The following RAI1 variants were observed in gnomAD, a reference collection of about 807,000 sequenced individuals.
RAI1 encodes the protein retinoic acid induced 1.
In RAI1, 9 loss-of-function variants were observed where a neutral mutation model predicts 123.8. The ratio of observed to expected loss-of-function variants is 0.07; its 90% CI spans 0.04 to 0.13. The LOEUF (loss-of-function observed/expected upper bound fraction) is 0.13. Among genes scored for constraint, RAI1 ranks in the 10% least tolerant of loss-of-function variants. RAI1 has a pLI of 1.00. For synonymous variants in RAI1, 1,231 were observed against 1,127.3 expected, an observed-to-expected ratio of 1.09 and a Z score of -1.84; for missense variants, 2,256 against 2,545.8, an observed-to-expected ratio of 0.89 and a Z score of 2.45.
At chr17:17,688,974 G>C (rs1179908571) in intron 1 of RAI1, among the ~76,000 whole-genome samples, 1 of 139,856 alleles carries the variant, frequency 7.2e-6, no homozygotes, top group Non-Finnish European at 1.6e-5. Context: ...TTTTTTTTTT[G>C]AGCCGGAGTG....
chr17:17,696,389 G>A (rs1388048593), intron 1 of RAI1, among the ~76,000 whole-genome samples: 1 of 152,106 alleles, frequency 6.6e-6, no homozygotes, highest in Admixed American at 6.6e-5. Flanking sequence ...AGCCACAGTT[G>A]TCTTCCCTCA....
intron 2 of RAI1, among the ~76,000 whole-genome samples, chr17:17,743,512 C>T (rs1291506817): frequency 6.6e-6 from 1 of 152,248 alleles, no homozygotes; most frequent in African/African-American, 2.4e-5. Flanking sequence ...GTCGCTGCCC[C>T]TGCCCGCAGC....
At chr17:17,699,832 C>G (rs1915159378) in intron 1 of RAI1, among the ~76,000 whole-genome samples, 1 of 152,246 alleles carries the variant, frequency 6.6e-6, no homozygotes, top group African/African-American at 2.4e-5. Context: ...CCACCCCACC[C>G]TGTGCCTCTC....
At chr17:17,699,258 C>G (rs1915136568) in intron 1 of RAI1, among the ~76,000 whole-genome samples, 1 of 152,170 alleles carries the variant, frequency 6.6e-6, no homozygotes, top group African/African-American at 2.4e-5. Context: ...AGACATCTGT[C>G]GGCAACATCC....
At position 17,794,199 on chromosome 17, in the gene RAI1, T is replaced by G. The variant is rs1196958524; in HGVS notation, c.1251T>G (p.Leu417=). Residue 417 remains leucine (L), a synonymous_variant, in exon 3 of 6, where the codon CTT becomes CTG. Transcript: ENST00000353383. ...CCCAGGCTGGCAACTGCAAGCCCCT[T>G]CAGAAGGACAAGCTCCCTGAGAACC... The part of the protein sequence containing the change: ...VDTQAGNCKP[L]QKDKLPENLL... 1 of 1,613,582 alleles carries G rather than the reference T, an allele frequency of 6.2e-7. No individual in the cohort carries two copies. The highest frequency in any genetic ancestry group is 8.5e-7 in the Non-Finnish European group (1 of 1,180,006).
intron 1 of RAI1, among the ~76,000 whole-genome samples, chr17:17,698,999 G>T (rs1287950740): frequency 6.6e-6 from 1 of 152,256 alleles, no homozygotes; most frequent in Non-Finnish European, 1.5e-5. Context: ...GCCAGGCAGA[G>T]CTTCTCTGAT....
At chr17:17,682,105 C>T (rs561782943) in intron 1 of RAI1, among the ~76,000 whole-genome samples, 84 of 142,618 alleles carry the variant, frequency 5.9e-4, no homozygotes, top group African/African-American at 2.1e-3. Flanking sequence ...GCGAGTGTGG[C>T]AAGGGATCTG....
intron 1 of RAI1, among the ~76,000 whole-genome samples, chr17:17,701,563 C>T (rs771893016): frequency 2.6e-5 from 4 of 152,194 alleles, no homozygotes; most frequent in Non-Finnish European, 4.4e-5. Flanking sequence ...TTTCCCTCCC[C>T]TCTCTCTTCC....
At position 17,794,461 on chromosome 17, in the gene RAI1, C is replaced by A; in HGVS notation, c.1513C>A (p.Pro505Thr). The A allele has an allele frequency of 6.2e-7, 1 of 1,612,516 alleles. No homozygotes were observed. The highest frequency in any genetic ancestry group is 8.5e-7 in the Non-Finnish European group (1 of 1,179,800). The change falls in exon 3 of 6, where the codon CCA (proline) becomes ACA (threonine). Residue 505 changes from proline to threonine, a missense_variant. Physicochemically the swap from Pro to Thr is conservative, Grantham distance 38. Around this residue, in one of 7 missense-constraint regions of RAI1, gnomAD observed 357 missense variants for 480.2 expected, o/e 0.74. Transcript: ENST00000353383. ...GCTGTCAGAGCCGCCGAGCAGCACG[C>A]CACAGTCCACGCATGCGGAGCCGCA... Reference protein sequence around the residue: ...TPLSEPPSSTPQSTHAEPQEA... With the variant: ...TPLSEPPSSTTQSTHAEPQEA...
At chr17:17,749,073 G>A (rs1267663918) in intron 2 of RAI1, among the ~76,000 whole-genome samples, 3 of 152,160 alleles carry the variant, frequency 2.0e-5, no homozygotes, top group Admixed American at 1.3e-4. Flanking sequence ...ATCTCCCCAC[G>A]AATCCTGCAA....
chr17:17,788,844 A>C (rs933280224), intron 2 of RAI1, among the ~76,000 whole-genome samples: 2 of 152,054 alleles, frequency 1.3e-5, no homozygotes, highest in African/African-American at 4.8e-5. Context: ...TCTGGCCTAC[A>C]CTGTGCCCAT....
intron 1 of RAI1, among the ~76,000 whole-genome samples, chr17:17,689,246 A>C (rs1375763041): frequency 6.6e-6 from 1 of 152,162 alleles, no homozygotes; most frequent in Non-Finnish European, 1.5e-5. Context: ...GCGTGAGGTG[A>C]GCCACCACGC....
At chr17:17,739,169 A>G (rs1411741934) in intron 2 of RAI1, among the ~76,000 whole-genome samples, 3 of 152,186 alleles carry the variant, frequency 2.0e-5, no homozygotes, top group Non-Finnish European at 4.4e-5. Context: ...CCACGTGCCC[A>G]GTAAAGGCTC....
intron 2 of RAI1, among the ~76,000 whole-genome samples, chr17:17,756,343 G>A (rs2030437821): frequency 6.6e-6 from 1 of 151,964 alleles, no homozygotes; most frequent in Non-Finnish European, 1.5e-5. Flanking sequence ...GATTACAGGT[G>A]CCTGCCACCA....
chr17:17,788,550 G>T (rs560208268), intron 2 of RAI1, among the ~76,000 whole-genome samples: 1 of 152,256 alleles, frequency 6.6e-6, no homozygotes, highest in Non-Finnish European at 1.5e-5. Context: ...TGGAGCCCTG[G>T]TACACTGCTC....
chr17:17,725,166 T>A (rs1159282838), intron 2 of RAI1, among the ~76,000 whole-genome samples: 1 of 148,026 alleles, frequency 6.8e-6, no homozygotes, highest in African/African-American at 2.5e-5. Flanking sequence ...GCGGCAGGCT[T>A]GGGTTCGCGG....
chr17:17,767,461 C>G (rs1198661390), intron 2 of RAI1, among the ~76,000 whole-genome samples: 1 of 152,098 alleles, frequency 6.6e-6, no homozygotes, highest in Non-Finnish European at 1.5e-5. Context: ...GAAGTCAGCT[C>G]CAGCCCCTCT....
At position 17,794,667 on chromosome 17, in the gene RAI1, G is replaced by A; in HGVS notation, c.1719G>A (p.Gln573=). Residue 573 remains glutamine (Q), a synonymous_variant, in exon 3 of 6, where the codon CAG becomes CAA. Transcript: ENST00000353383. ...DMSTKSDDSF[Q]SLHGSLPLDS... ...CCACCAAATCTGACGACTCCTTCCA[G>A]AGCCTACACGGCAGTCTGCCGCTCG... 7 of 1,612,838 alleles carry A rather than the reference G, an allele frequency of 4.3e-6. No homozygotes were observed. Among genetic ancestry groups the A allele is most frequent in the Non-Finnish European group, 5.1e-6 (6 of 1,180,020 alleles).
chr17:17,783,769 G>C (rs1255574345), intron 2 of RAI1, among the ~76,000 whole-genome samples: 1 of 151,872 alleles, frequency 6.6e-6, no homozygotes, highest in Non-Finnish European at 1.5e-5. Context: ...GGGGTGCTGA[G>C]GTGTAGGCGG....
Sources: gnomAD v4.1 joint callset for allele counts (sites outside exome capture counted in the v4.1 genomes callset) on GRCh38, gnomAD v4.1.1 for gene constraint, gnomAD v4.1.1 regional missense constraint, MANE v1.5 for transcripts, NCBI Gene and HGNC (gene_info 2026-07-23, HGNC 2026-07-21) for gene names.